The following DENND1B variants were observed in gnomAD, a reference collection of about 807,000 sequenced individuals.
DENND1B encodes the protein DENN domain-containing protein 1B.
In DENND1B, 59 loss-of-function variants were observed where a neutral mutation model predicts 90.1. That is an observed-to-expected ratio of 0.65 (90% CI 0.53 to 0.81). The LOEUF is 0.81. DENND1B is among the 40% of genes least tolerant of loss of function. The pLI, the probability that DENND1B is intolerant of heterozygous loss-of-function variation, is 0.00. For synonymous variants in DENND1B, 337 were observed against 324.6 expected, an observed-to-expected ratio of 1.04 and a Z score of -0.41; for missense variants, 862 against 912.6, an observed-to-expected ratio of 0.94 and a Z score of 0.71.
rs568801730 is a variant in DENND1B at position 197,704,649 on chromosome 1, C to T, written c.126+10382G>A. Among the ~76,000 whole-genome samples the T allele has an allele frequency of 9.8e-4, 149 of 152,218 alleles. 1 individual carries two copies. In the Middle Eastern group the frequency reaches 0.02, roughly 21 times the overall value. On this transcript the variant is annotated intron_variant, in intron 3 of 22. Coordinates refer to ENST00000620048, the MANE Select transcript of DENND1B (RefSeq NM_001195215.2). ...TTGCCAAAAGAAGGAAAACATACTG[C>T]GAGAAGCGTATAATAAACCAGTGCC...
At chr1:197,661,488 G>A (rs1039407091) in intron 5 of DENND1B, among the ~76,000 whole-genome samples, 1 of 152,014 alleles carries the variant, frequency 6.6e-6, no homozygotes, top group Non-Finnish European at 1.5e-5. Context: ...AAATTCAGAT[G>A]AGACCTAATC....
chr1:197,713,814 T>TATATAATATATTATATATAATATATTATA (rs1558432953), intron 3 of DENND1B, among the ~76,000 whole-genome samples: 31 of 51,702 alleles, frequency 6.0e-4, no homozygotes, highest in East Asian at 1.3e-3. Flanking sequence ...TAATATATTA[T>TATATAATATATTATATATAATATATTATA]ATATAATATA....
At chr1:197,656,433 T>C (rs190795100) in intron 6 of DENND1B, among the ~76,000 whole-genome samples, 206 of 152,150 alleles carry the variant, frequency 1.4e-3, no homozygotes, top group Non-Finnish European at 2.2e-3. Context: ...TAATAGACAA[T>C]AGACAATTAT....
intron 5 of DENND1B, among the ~76,000 whole-genome samples, chr1:197,670,829 C>T (rs1028840329): frequency 6.6e-6 from 1 of 152,022 alleles, no homozygotes; most frequent in Non-Finnish European, 1.5e-5. Context: ...GCCCAGCCAA[C>T]CTGCTCCAAG....
intron 3 of DENND1B, among the ~76,000 whole-genome samples, chr1:197,682,387 TAATG>T (rs1248091462): frequency 1.3e-5 from 2 of 152,196 alleles, no homozygotes; most frequent in Non-Finnish European, 2.9e-5. Context: ...ACAGATTATT[TAATG>T]AAGACTATTT....
chr1:197,520,369 A>C (rs979043885), intron 20 of DENND1B, among the ~76,000 whole-genome samples: 39 of 152,042 alleles, frequency 2.6e-4, no homozygotes, highest in African/African-American at 9.4e-4. Context: ...TTTATTCCTC[A>C]TTGTATGAAC....
chr1:197,695,756 T>A (rs554228673), intron 3 of DENND1B, among the ~76,000 whole-genome samples: 1 of 151,102 alleles, frequency 6.6e-6, no homozygotes, highest in Non-Finnish European at 1.5e-5. Context: ...CCAAAAAATA[T>A]CCAATTTTTA....
In DENND1B at chr1:197,612,404, A is replaced by G. The variant is rs148459011; in HGVS notation, c.774-428T>C. On this transcript the variant is annotated intron_variant, in intron 11 of 22. Coordinates refer to ENST00000620048, the MANE Select transcript of DENND1B (RefSeq NM_001195215.2). The stretch of plus-strand genomic sequence containing the variant: ...CCTATTCAATTAAATTCTTATTTCT[A>G]TGATATTCTTAATATATATATTCAT... Among the ~76,000 whole-genome samples, 300 of 150,652 alleles carry G rather than the reference A, an allele frequency of 2.0e-3. 1 individual carries two copies. The highest frequency in any genetic ancestry group is 7.0e-3 in the African/African-American group (288 of 41,356).
intron 15 of DENND1B, among the ~76,000 whole-genome samples, chr1:197,564,659 G>A (rs958932207): frequency 5.8e-4 from 88 of 152,008 alleles, no homozygotes; most frequent in African/African-American, 2.0e-3. Context: ...TGAGCTATGA[G>A]TAAAGAATAC....
intron 3 of DENND1B, 96 bp downstream of exon 3, chr1:197,714,935 G>T: frequency 2.3e-6 from 2 of 869,080 alleles, no homozygotes; most frequent in South Asian, 3.0e-5. Flanking sequence ...AGCAATCCAT[G>T]TTCACTAGTA....
chr1:197,598,686 A>G, intron 13 of DENND1B, among the ~76,000 whole-genome samples: 1 of 151,878 alleles, frequency 6.6e-6, no homozygotes, highest in Non-Finnish European at 1.5e-5. Flanking sequence ...AGCCTTAGTC[A>G]TATGGCTATT....
intron 2 of DENND1B, among the ~76,000 whole-genome samples, chr1:197,715,413 C>T (rs1357989471): frequency 1.3e-5 from 2 of 151,768 alleles, no homozygotes; most frequent in Non-Finnish European, 3.0e-5. Context: ...ATTTTAACTA[C>T]ACTTTTAAAA....
intron 2 of DENND1B, among the ~76,000 whole-genome samples, chr1:197,764,499 GAATT>G (rs1207210263): frequency 6.6e-6 from 1 of 152,020 alleles, no homozygotes; most frequent in East Asian, 1.9e-4. Context: ...GAAATTCACT[GAATT>G]AATACTCTGA....
At chr1:197,579,659 G>C (rs1257059693) in intron 15 of DENND1B, among the ~76,000 whole-genome samples, 1 of 152,030 alleles carries the variant, frequency 6.6e-6, no homozygotes, top group Admixed American at 6.6e-5. Context: ...TGAATTTAAG[G>C]ACATTCTTAG....
chr1:197,546,164 T>C (rs955008267), intron 17 of DENND1B, among the ~76,000 whole-genome samples, 174 bp from the exon 18 acceptor site: 1 of 152,154 alleles, frequency 6.6e-6, no homozygotes. Context: ...TGTACTTTAA[T>C]AATTTCAAAC....
intron 14 of DENND1B, among the ~76,000 whole-genome samples, chr1:197,586,638 A>C (rs1253644900): frequency 1.3e-5 from 2 of 152,224 alleles, no homozygotes; most frequent in Non-Finnish European, 2.9e-5. Flanking sequence ...AAGTTGATAA[A>C]ATCAATTTTG....
intron 2 of DENND1B, among the ~76,000 whole-genome samples, chr1:197,715,987 C>G (rs1213022192): frequency 2.0e-5 from 3 of 150,860 alleles, no homozygotes; most frequent in Non-Finnish European, 4.4e-5. Flanking sequence ...ATGTGTGTAA[C>G]AAGTACCACC....
rs1667979370 is a variant in DENND1B at position 197,510,877 on chromosome 1, G to T, written c.1911C>A (p.Ala637=). The T allele has an allele frequency of 6.2e-7, 1 of 1,609,904 alleles. No homozygotes were observed. ...ATGGAGGGAGGTGTTTGCCATGGAG[G>T]GCACTATCGTCTTGCCCAAGATTCC... The part of the protein sequence containing the change: ...AEWNLGQDDS[A]LHGKHLPPSP... The change falls in exon 23 of 23, where the codon GCC becomes GCA. Residue 637 remains alanine, a synonymous_variant. Coordinates refer to ENST00000620048, the MANE Select transcript of DENND1B (RefSeq NM_001195215.2).
chr1:197,570,283 A>C (rs1034031979), intron 15 of DENND1B, among the ~76,000 whole-genome samples: 1 of 151,912 alleles, frequency 6.6e-6, no homozygotes, highest in Non-Finnish European at 1.5e-5. Flanking sequence ...AATTTTCCTT[A>C]TGTGACATAG....
Sources: allele counts gnomAD v4.1 joint callset (sites outside exome capture counted in the v4.1 genomes callset), GRCh38; gene constraint gnomAD v4.1.1; transcripts MANE v1.5; gene names NCBI Gene and HGNC (gene_info 2026-07-23, HGNC 2026-07-21).